The following FAM227B variants were observed in gnomAD, a reference collection of about 807,000 sequenced individuals.
The protein encoded by FAM227B is protein FAM227B.
Under a neutral mutation model 73.8 loss-of-function variants are expected in FAM227B, and 88 were observed. The ratio of observed to expected loss-of-function variants is 1.19; its 90% CI spans 1.00 to 1.42. The LOEUF is 1.42. Among genes scored for constraint, FAM227B ranks in the 40% most tolerant of loss-of-function variants. The probability of loss-of-function intolerance (pLI) is 0.00; values close to 1 mark genes in which losing one functional copy is unlikely to be tolerated. For synonymous variants in FAM227B, 210 were observed against 190.5 expected (o/e 1.10, Z -0.84); for missense variants, 632 against 590.9 (o/e 1.07, Z -0.72).
At chr15:49,366,199 A>C (rs1476123577) in intron 13 of FAM227B, 1 of 802,396 alleles carries the variant, frequency 1.2e-6, no homozygotes, top group Non-Finnish European at 2.3e-6. Flanking sequence ...GCCACGATGG[A>C]GAACACATTT....
At position 49,328,554 on chromosome 15, in the gene FAM227B, A is replaced by G; in HGVS notation, c.*14T>C. 1 of 1,606,824 alleles carries G rather than the reference A, an allele frequency of 6.2e-7. No homozygotes were observed. The highest frequency in any genetic ancestry group is 8.5e-7 in the Non-Finnish European group (1 of 1,175,388). ...TATGCATTATTCTTGAATAGAGTTC[A>G]TTTCTGGTTTCTCTTAGTATTCTTC... On this transcript the variant is annotated 3_prime_UTR_variant, in exon 16 of 16. Transcript: ENST00000299338.
intron 11 of FAM227B, among the ~76,000 whole-genome samples, chr15:49,420,792 G>C (rs1014004304): frequency 1.3e-5 from 2 of 152,154 alleles, no homozygotes; most frequent in Non-Finnish European, 2.9e-5. Flanking sequence ...TGCAAGCTCT[G>C]CTTCCCAGGT....
intron 11 of FAM227B, among the ~76,000 whole-genome samples, chr15:49,377,382 A>G (rs1334936252): frequency 6.6e-6 from 1 of 152,156 alleles, no homozygotes; most frequent in South Asian, 2.1e-4. Flanking sequence ...GTACATATCC[A>G]GCAGTGAGAT....
intron 13 of FAM227B, among the ~76,000 whole-genome samples, chr15:49,337,999 T>C (rs1202122747): frequency 6.6e-6 from 1 of 152,254 alleles, no homozygotes; most frequent in Admixed American, 6.5e-5. Context: ...GAATGATTTA[T>C]AATCCTTTGT....
intron 11 of FAM227B, chr15:49,423,275 C>CAA (rs754546768): frequency 3.3e-5 from 5 of 152,128 alleles, no homozygotes; most frequent in Non-Finnish European, 7.3e-5. Context: ...CGCTCACACA[C>CAA]AGAGAGAAAA....
intron 9 of FAM227B, among the ~76,000 whole-genome samples, chr15:49,567,370 A>G (rs989910073): frequency 6.6e-6 from 1 of 152,120 alleles, no homozygotes; most frequent in Admixed American, 6.6e-5. Flanking sequence ...GCTTGCTGAG[A>G]TCACCCAGGT....
At position 49,343,160 on chromosome 15, in the gene FAM227B, A is replaced by G. The variant is rs193084139; in HGVS notation, c.1272-7664T>C. 4.3e-4 allele frequency among the ~76,000 whole-genome samples: 66 copies of G among 152,258 alleles called. No homozygotes were observed. The South Asian group carries it at 6.2e-3, about 14-fold the overall frequency. Reference sequence around the variant, plus strand: ...TTTTTCTCCTCTCTCAGGAATGCCAATAATTTATAGGTTTGGTCACTTTAC... The same window carrying G: ...TTTTTCTCCTCTCTCAGGAATGCCAGTAATTTATAGGTTTGGTCACTTTAC... On this transcript the variant is annotated intron_variant, in intron 13 of 15. Transcript: ENST00000299338.
intron 10 of FAM227B, among the ~76,000 whole-genome samples, chr15:49,520,481 T>A (rs2059702891): frequency 6.6e-6 from 1 of 152,270 alleles, no homozygotes; most frequent in South Asian, 2.1e-4. Flanking sequence ...TAGTCTGTTA[T>A]CATACTGCTG....
intron 13 of FAM227B, among the ~76,000 whole-genome samples, chr15:49,351,752 T>C (rs956125704): frequency 4.6e-4 from 44 of 96,452 alleles, no homozygotes; most frequent in Non-Finnish European, 9.1e-4. Context: ...ATGTCTCAGC[T>C]GACCCTATAA....
In FAM227B at chr15:49,424,660, T is replaced by A; in HGVS notation, c.1013-53261A>T. 4 of 1,178,596 alleles carry A rather than the reference T, an allele frequency of 3.4e-6. No homozygotes were observed. The East Asian group carries it at 7.6e-5, about 22-fold the overall frequency. 73.0% of individuals were successfully genotyped at this position (1,178,596 alleles called of 1,614,324 possible). A position where few individuals can be genotyped will look rare whatever the true frequency, so the allele number is the denominator to read the frequency against. ...AATTTTCAGGTGATATGTTTTCTCATCTTCCTTTTGCTTCTTGGAAAAAAA... is the reference window on the plus strand; with the variant it reads ...AATTTTCAGGTGATATGTTTTCTCAACTTCCTTTTGCTTCTTGGAAAAAAA... On this transcript the variant is annotated intron_variant, in intron 11 of 15. Coordinates refer to ENST00000299338, the MANE Select transcript of FAM227B (RefSeq NM_152647.3).
chr15:49,367,492 T>C lies in FAM227B; in HGVS notation c.1227A>G (p.Ala409=). Residue 409 remains alanine, a synonymous_variant, in exon 13 of 16, where the codon GCA becomes GCG. Coordinates refer to ENST00000299338, the MANE Select transcript of FAM227B (RefSeq NM_152647.3). ...TGAGTTTAATCTTGGTTTTCTTAGG[T>C]GCTTTGGAAATACCAGCCAGCTCAT... ...KMHELAGISK[A]PKKTKIKLTK... 1 of 1,603,242 alleles carries C rather than the reference T, an allele frequency of 6.2e-7. No individual in the cohort carries two copies. The highest frequency in any genetic ancestry group is 8.5e-7 in the Non-Finnish European group (1 of 1,177,558).
chr15:49,426,109 A>AT (rs2050109953), intron 11 of FAM227B, among the ~76,000 whole-genome samples: 1 of 151,742 alleles, frequency 6.6e-6, no homozygotes, highest in Non-Finnish European at 1.5e-5. Flanking sequence ...GGTAAAAATT[A>AT]TGACACATGG....
chr15:49,608,290 T>A (rs557759909), intron 3 of FAM227B, among the ~76,000 whole-genome samples: 1 of 152,308 alleles, frequency 6.6e-6, no homozygotes, highest in South Asian at 2.1e-4. Flanking sequence ...GTATTTGTCA[T>A]GTTTATTTTA....
intron 13 of FAM227B, among the ~76,000 whole-genome samples, chr15:49,350,026 A>G (rs997930328): frequency 2.0e-5 from 3 of 152,198 alleles, no homozygotes; most frequent in Non-Finnish European, 4.4e-5. Context: ...TTAAGCCCCT[A>G]AACTTCTAAA....
At chr15:49,402,180 A>G (rs893051875) in intron 11 of FAM227B, among the ~76,000 whole-genome samples, 6 of 152,116 alleles carry the variant, frequency 3.9e-5, no homozygotes, top group Non-Finnish European at 8.8e-5. Context: ...TTGGTGTACA[A>G]TAAAATACTG....
At chr15:49,474,175 A>C (rs760938161) in intron 11 of FAM227B, among the ~76,000 whole-genome samples, 10 of 152,280 alleles carry the variant, frequency 6.6e-5, no homozygotes, top group Admixed American at 5.2e-4. Context: ...AATAATGAAC[A>C]CTATTCTGTC....
chr15:49,501,517 GT>G (rs2058133800), intron 11 of FAM227B, among the ~76,000 whole-genome samples: 1 of 152,204 alleles, frequency 6.6e-6, no homozygotes, highest in Non-Finnish European at 1.5e-5. Flanking sequence ...TATTCAAGAT[GT>G]AACCCTGGCT....
intron 11 of FAM227B, among the ~76,000 whole-genome samples, chr15:49,411,742 G>A (rs2151687500): frequency 6.6e-6 from 1 of 151,968 alleles, no homozygotes; most frequent in East Asian, 1.9e-4. Flanking sequence ...TTGAAATATG[G>A]CGGAAGTTCT....
At chr15:49,328,811 G>A in intron 15 of FAM227B, 136 bp from the exon 16 acceptor site, 2 of 1,409,976 alleles carry the variant, frequency 1.4e-6, no homozygotes, top group Non-Finnish European at 1.8e-6. Context: ...GATACAGGAA[G>A]AAAATTCAGA....
Sources: allele counts gnomAD v4.1 joint callset (sites outside exome capture counted in the v4.1 genomes callset), GRCh38; gene constraint gnomAD v4.1.1; transcripts MANE v1.5; gene names NCBI Gene and HGNC (gene_info 2026-07-23, HGNC 2026-07-21).